Variants in IGF2BP2 observed in about 807,000 individuals in gnomAD.
IGF2BP2 encodes the protein insulin-like growth factor 2 mRNA-binding protein 2.
In IGF2BP2, 17 loss-of-function variants were observed where a neutral mutation model predicts 75.8. The observed-to-expected ratio is 0.22, with a 90% CI of 0.15 to 0.34. The LOEUF (loss-of-function observed/expected upper bound fraction) is 0.34, where lower values mean the gene tolerates loss of function less well. IGF2BP2 is among the 10% of genes least tolerant of loss of function. The pLI is 1.00. For synonymous variants in IGF2BP2, 288 were observed against 295.6 expected (o/e 0.97, Z 0.26); for missense variants, 516 against 772.4 (o/e 0.67, Z 3.93).
chr3:185,662,735 G>T (rs1429479293), intron 10 of IGF2BP2, among the ~76,000 whole-genome samples: 1 of 151,858 alleles, frequency 6.6e-6, no homozygotes, highest in Non-Finnish European at 1.5e-5. Flanking sequence ...TAGAGATGGG[G>T]TTTCACCATG....
At chr3:185,658,036 A>C (rs2149098758) in intron 11 of IGF2BP2, among the ~76,000 whole-genome samples, 1 of 152,262 alleles carries the variant, frequency 6.6e-6, no homozygotes, top group Non-Finnish European at 1.5e-5. Flanking sequence ...AAACTCTGCT[A>C]TTCAGTGCCA....
At chr3:185,782,132 TTCTTCGTTCAGAAAGAAAAG>T (rs1323283312) in intron 2 of IGF2BP2, among the ~76,000 whole-genome samples, 5 of 152,328 alleles carry the variant, frequency 3.3e-5, no homozygotes, top group Non-Finnish European at 7.3e-5. Context: ...AACTCCTTCC[TTCTTCGTTCAGAAAGAAAAG>T]AGTGAAGAGA....
At chr3:185,774,847 C>G (rs1734338665) in intron 2 of IGF2BP2, among the ~76,000 whole-genome samples, 1 of 151,844 alleles carries the variant, frequency 6.6e-6, no homozygotes, top group Non-Finnish European at 1.5e-5. Flanking sequence ...TGATGAAACC[C>G]CGTCTCTACT....
At chr3:185,669,030 A>T (rs1373736092) in intron 10 of IGF2BP2, among the ~76,000 whole-genome samples, 1 of 152,198 alleles carries the variant, frequency 6.6e-6, no homozygotes, top group East Asian at 1.9e-4. Flanking sequence ...AGAGAACAAA[A>T]ATGGCTAATA....
Position 185,825,014 on chromosome 3 carries a change from C to G in IGF2BP2, c.-54G>C. The stretch of plus-strand genomic sequence containing the variant: ...CCCCGGCCCGGTACCCGGCGCTCCT[C>G]GCCTCCTCCGCTGCCCTCGTCTCTC... On this transcript the variant is annotated 5_prime_UTR_variant, in exon 1 of 16. Coordinates refer to ENST00000382199, the MANE Select transcript of IGF2BP2 (RefSeq NM_006548.6). 1 of 1,371,854 alleles carries G rather than the reference C, an allele frequency of 7.3e-7. No homozygotes were observed. Among genetic ancestry groups the G allele is most frequent in the East Asian group, 2.9e-5 (1 of 34,020 alleles). The allele number at this position is 1,371,854 out of a possible 1,614,324, so 85.0% of individuals were successfully genotyped here.
At chr3:185,696,768 G>A in intron 3 of IGF2BP2, 105 bp from the exon 4 acceptor site, 1 of 917,494 alleles carries the variant, frequency 1.1e-6, no homozygotes, top group East Asian at 2.4e-5. Context: ...AAAAAAGATG[G>A]TTATAGGAAT....
rs1415765230 is a variant in IGF2BP2, at chr3:185,675,402, T to C, written c.965A>G (p.Glu322Gly). The change falls in exon 9 of 16, where the codon GAA becomes GGA. Residue 322 changes from glutamate (E) to glycine (G), a missense_variant. Glu to Gly is a moderately conservative substitution (Grantham distance 98). Transcript: ENST00000382199. ...SLQDLSIYNP[E>G]RTITVKGTVE... ...TGTGCCCTTCACAGTGATGGTTCTT[T>C]CCGGGTTGTATATGCTCAAATCCTG... is the stretch of plus-strand genomic sequence containing the variant. 1 of 1,612,590 alleles carries C rather than the reference T, an allele frequency of 6.2e-7. No homozygotes were observed. Among genetic ancestry groups the C allele is most frequent in the Non-Finnish European group, 8.5e-7 (1 of 1,179,644 alleles).
Position 185,687,196 on chromosome 3 carries a change from A to G in IGF2BP2, c.678-5T>C, listed in dbSNP as rs371649672. 58 of 1,598,144 alleles carry G rather than the reference A, an allele frequency of 3.6e-5. No individual in the cohort carries two copies. The highest frequency in any genetic ancestry group is 4.8e-5 in the Non-Finnish European group (57 of 1,176,096). On this transcript the variant is annotated splice_region_variant and splice_polypyrimidine_tract_variant and intron_variant, in intron 6 of 15. Transcript: ENST00000382199. Reference sequence around the variant, plus strand: ...TCTTTTCTATGGATATCTACCCTGTAGGAAAAGAATCAGGAGCCATGATTA... The same window carrying G: ...TCTTTTCTATGGATATCTACCCTGTGGGAAAAGAATCAGGAGCCATGATTA...
At chr3:185,793,212 G>A (rs1446385854) in intron 2 of IGF2BP2, among the ~76,000 whole-genome samples, 1 of 152,146 alleles carries the variant, frequency 6.6e-6, no homozygotes, top group Admixed American at 6.6e-5. Context: ...GTGGCAGAAA[G>A]AACACAAGTT....
At chr3:185,806,625 A>G (rs1049470604) in intron 2 of IGF2BP2, among the ~76,000 whole-genome samples, 1 of 152,252 alleles carries the variant, frequency 6.6e-6, no homozygotes, top group Non-Finnish European at 1.5e-5. Flanking sequence ...ACTGAAGTCA[A>G]AACAATGTAG....
intron 2 of IGF2BP2, among the ~76,000 whole-genome samples, chr3:185,804,544 T>G (rs1738740623): frequency 6.6e-6 from 1 of 152,230 alleles, no homozygotes; most frequent in South Asian, 2.1e-4. Flanking sequence ...GGATTGTTTT[T>G]TAGTAACATT....
intron 2 of IGF2BP2, among the ~76,000 whole-genome samples, chr3:185,731,850 C>A (rs369690437): frequency 2.6e-5 from 4 of 151,926 alleles, no homozygotes; most frequent in Non-Finnish European, 5.9e-5. Flanking sequence ...GGCGTCGGGG[C>A]GGGTGCCTGT....
At chr3:185,753,393 T>C (rs1249574335) in intron 2 of IGF2BP2, among the ~76,000 whole-genome samples, 1 of 152,144 alleles carries the variant, frequency 6.6e-6, no homozygotes. Context: ...AGAACCAACG[T>C]TACAGGGAAA....
chr3:185,725,205 G>A (rs1386421514), intron 2 of IGF2BP2: 1 of 152,202 alleles, frequency 6.6e-6, no homozygotes, highest in East Asian at 1.9e-4. Context: ...CTGTGAGTCT[G>A]ATAATATGGT....
rs530362089 is a variant in IGF2BP2, at chr3:185,701,567, C to T, written c.240-3220G>A. ...TCACGGTGCAAAAGTAGGAAAACTC[C>T]GCCCAATGCTGATTACCCCAAATAC... On this transcript the variant is annotated intron_variant, in intron 2 of 15. Transcript: ENST00000382199. Among the ~76,000 whole-genome samples, 9 of 152,244 alleles carry T rather than the reference C, an allele frequency of 5.9e-5. No homozygotes were observed. The South Asian group carries it at 1.2e-3, about 21-fold the overall frequency.
intron 2 of IGF2BP2, among the ~76,000 whole-genome samples, chr3:185,808,898 T>C (rs1407127708): frequency 1.3e-5 from 2 of 152,158 alleles, no homozygotes; most frequent in Non-Finnish European, 2.9e-5. Flanking sequence ...CATTCTGCTT[T>C]GCATTTAAAA....
intron 4 of IGF2BP2, 73 bp downstream of exon 4, chr3:185,696,539 G>T: frequency 8.0e-7 from 1 of 1,245,396 alleles, no homozygotes. Flanking sequence ...TTTCTCCCTG[G>T]AGTTGACCTA....
intron 2 of IGF2BP2, among the ~76,000 whole-genome samples, chr3:185,819,693 T>C (rs1741074516): frequency 6.6e-6 from 1 of 152,102 alleles, no homozygotes; most frequent in African/African-American, 2.4e-5. Flanking sequence ...ACATGGAATC[T>C]ATGTAAGTAA....
At chr3:185,740,901 G>A (rs995325021) in intron 2 of IGF2BP2, among the ~76,000 whole-genome samples, 6 of 152,050 alleles carry the variant, frequency 3.9e-5, no homozygotes, top group Admixed American at 3.9e-4. Flanking sequence ...ATTTTGAGAC[G>A]GAGTCTCGCT....
Sources: gnomAD v4.1 joint callset for allele counts (sites outside exome capture counted in the v4.1 genomes callset) on GRCh38, gnomAD v4.1.1 for gene constraint, MANE v1.5 for transcripts, NCBI Gene and HGNC (gene_info 2026-07-23, HGNC 2026-07-21) for gene names.